The following LCT variants were observed in gnomAD, a reference collection of about 807,000 sequenced individuals.
LCT encodes the protein lactase.
Under a neutral mutation model 173.0 loss-of-function variants are expected in LCT, and 90 were observed. That is an observed-to-expected ratio of 0.52 (90% CI 0.44 to 0.62). The LOEUF (loss-of-function observed/expected upper bound fraction) is 0.62. Among genes scored for constraint, LCT ranks in the 20% least tolerant of loss-of-function variants. The pLI, the probability that LCT is intolerant of heterozygous loss-of-function variation, is 0.00. For missense variants in LCT, 1,864 were observed against 2,431.4 expected, an observed-to-expected ratio of 0.77 and a Z score of 4.91; for synonymous variants, 853 against 957.6, an observed-to-expected ratio of 0.89 and a Z score of 2.02.
In LCT at chr2:135,794,664, G is replaced by C. The variant is rs1236491785; in HGVS notation, c.5088C>G (p.Ala1696=). ...ACCTGTCTGCATCAAAAGAAGAGATGGCAGTGGCATAGTTGAGGTTGTAGG... is the reference window on the plus strand; with the variant it reads ...ACCTGTCTGCATCAAAAGAAGAGATCGCAGTGGCATAGTTGAGGTTGTAGG... The part of the protein sequence containing the change: ...VLAYNLNYAT[A]ISSFDADRGV... Residue 1696 remains alanine (A), a synonymous_variant, in exon 14 of 17, where the codon GCC becomes GCG. Transcript: ENST00000264162. The C allele has an allele frequency of 1.2e-6, 2 of 1,614,038 alleles. No homozygotes were observed. The highest frequency in any genetic ancestry group is 8.5e-7 in the Non-Finnish European group (1 of 1,180,016).
chr2:135,835,242 T>C (rs556261489), intron 1 of LCT, among the ~76,000 whole-genome samples: 15 of 152,002 alleles, frequency 9.9e-5, no homozygotes, highest in Admixed American at 9.2e-4. Context: ...GCTTTCAAGT[T>C]TTTCTTTTGT....
At chr2:135,801,825 T>C (rs994833609) in intron 11 of LCT, among the ~76,000 whole-genome samples, 8 of 151,956 alleles carry the variant, frequency 5.3e-5, no homozygotes, top group African/African-American at 1.9e-4. Flanking sequence ...CCACCTGTCT[T>C]GGCCTCCCAA....
At chr2:135,830,108 T>C (rs531563718) in intron 2 of LCT, among the ~76,000 whole-genome samples, 2 of 152,260 alleles carry the variant, frequency 1.3e-5, no homozygotes, top group East Asian at 3.9e-4. Flanking sequence ...TCCACAGTCA[T>C]CCCTGTGAAT....
intron 5 of LCT, among the ~76,000 whole-genome samples, chr2:135,821,118 T>A (rs987200215): frequency 3.9e-5 from 6 of 152,270 alleles, no homozygotes; most frequent in African/African-American, 1.4e-4. Flanking sequence ...CCTGACCTCG[T>A]GATCCACCCG....
chr2:135,794,881 G>A, intron 13 of LCT, 106 bp from the exon 14 acceptor site: 1 of 1,293,586 alleles, frequency 7.7e-7, no homozygotes, highest in Non-Finnish European at 1.1e-6. Context: ...CCAGGCACTT[G>A]GCAGTGAGTA....
chr2:135,834,509 C>T (rs189788596), intron 1 of LCT, among the ~76,000 whole-genome samples: 4 of 145,932 alleles, frequency 2.7e-5, no homozygotes, highest in Admixed American at 6.7e-5. Flanking sequence ...TGTTTAAGGC[C>T]GGGCGTGGTG....
intron 11 of LCT, among the ~76,000 whole-genome samples, chr2:135,802,751 T>C (rs1486239532): frequency 1.3e-5 from 2 of 152,148 alleles, no homozygotes; most frequent in African/African-American, 4.8e-5. Context: ...GGTTAACGGA[T>C]ACAAAGTTAA....
Position 135,800,798 on chromosome 2 carries a change from T to C in LCT, c.4675A>G (p.Arg1559Gly). 6.2e-7 allele frequency: 1 copy of C among 1,613,388 alleles called. No homozygotes were observed. The highest frequency in any genetic ancestry group is 8.5e-7 in the Non-Finnish European group (1 of 1,179,372). The change falls in exon 12 of 17, where the codon AGG becomes GGG. Residue 1559 changes from arginine to glycine, a missense_variant. Physicochemically the swap from Arg to Gly is moderately radical, Grantham distance 125 (BLOSUM62 -2). Transcript: ENST00000264162. ...ACAATGTAGGGGGCAGTGCCAGGCCTATTGGAGACTCCTGGAAACATACAC... is the reference window on the plus strand; with the variant it reads ...ACAATGTAGGGGGCAGTGCCAGGCCCATTGGAGACTCCTGGAAACATACAC... ...YGTAAPGVSN[R>G]PGTAPYIVGH...
chr2:135,807,026 G>A lies in LCT; in HGVS notation c.4173+102C>T, dbSNP rs1402853139. On this transcript the variant is annotated intron_variant, in intron 9 of 16. Transcript: ENST00000264162. ...CATGCTGCCCCTCCATGGGTCTGCT[G>A]GAATCTCCTGTTCATGCATCTGCCC... 14 of 1,362,504 alleles carry A rather than the reference G, an allele frequency of 1.0e-5. No homozygotes were observed. In the Admixed American group the frequency reaches 2.4e-4, roughly 24 times the overall value. The allele number at this position is 1,362,504 out of a possible 1,614,324, so 84.4% of individuals were successfully genotyped here. A position where few individuals can be genotyped will look rare whatever the true frequency, so the allele number is the denominator to read the frequency against.
chr2:135,826,541 C>T (rs2077890654), intron 3 of LCT, among the ~76,000 whole-genome samples: 1 of 152,044 alleles, frequency 6.6e-6, no homozygotes, highest in African/African-American at 2.4e-5. Flanking sequence ...GCACTCCAGC[C>T]TGGGTGACAG....
At chr2:135,802,132 G>A (rs1559551289) in intron 11 of LCT, among the ~76,000 whole-genome samples, 1 of 152,164 alleles carries the variant, frequency 6.6e-6, no homozygotes, top group Non-Finnish European at 1.5e-5. Flanking sequence ...GTAAACCAAA[G>A]GGGCGAACTA....
At chr2:135,796,941 ATTTTTTTT>A (rs997582132) in intron 13 of LCT, among the ~76,000 whole-genome samples, 6 of 118,762 alleles carry the variant, frequency 5.1e-5, no homozygotes, top group Admixed American at 1.8e-4. Context: ...TGGGAGCTGG[ATTTTTTTT>A]TTTTTTTTTT....
In LCT at chr2:135,794,528, CA is replaced by C. The variant is rs554212355; in HGVS notation, c.5111+112del. ...GGCGAGCATCTTGCAAACCCCGGCA[CA>C]TTCGGCGTTGGAGGCCCTGTTTTGA... On this transcript the variant is annotated intron_variant, in intron 14 of 16. Coordinates refer to ENST00000264162, the MANE Select transcript of LCT (RefSeq NM_002299.4). 3.7e-5 allele frequency: 42 copies of C among 1,136,432 alleles called. 1 individual carries two copies. Among genetic ancestry groups the C allele is most frequent in the South Asian group, 1.1e-4 (9 of 80,332 alleles). The allele number at this position is 1,136,432 out of a possible 1,614,324, so 70.4% of individuals were successfully genotyped here.
chr2:135,793,708 T>C (rs898424402), intron 14 of LCT, among the ~76,000 whole-genome samples: 1 of 152,098 alleles, frequency 6.6e-6, no homozygotes, highest in Admixed American at 6.5e-5. Context: ...AAAATTAACT[T>C]AGAGAAATTT....
In LCT at chr2:135,788,119, ACT is replaced by A. The variant is rs2077506079; in HGVS notation, c.*203_*204del. On this transcript the variant is annotated 3_prime_UTR_variant, in exon 17 of 17. Coordinates refer to ENST00000264162, the MANE Select transcript of LCT (RefSeq NM_002299.4). ...ACTTGCTTCTCAAATGCCCAAATGA[ACT>A]CTGATACTGGAGCAAGATGGAGATA... is the stretch of plus-strand genomic sequence containing the variant. 1.7e-6 allele frequency: 1 copy of A among 605,134 alleles called. No individual in the cohort carries two copies. The allele number at this position is 605,134 out of a possible 1,614,324, so 37.5% of individuals were successfully genotyped here. A position where few individuals can be genotyped will look rare whatever the true frequency, so the allele number is the denominator to read the frequency against.
At chr2:135,794,604 C>T (rs1559548791) in intron 14 of LCT, 37 bp downstream of exon 14, 1 of 1,611,254 alleles carries the variant, frequency 6.2e-7, no homozygotes, top group Non-Finnish European at 8.5e-7. Flanking sequence ...TCTGCCTTTT[C>T]CAGAGATGGC....
In LCT at chr2:135,802,339, G is replaced by A. The variant is rs373653155; in HGVS notation, c.4664-1530C>T. Reference sequence around the variant, plus strand: ...ACAATTTCTTATTCAAAACCCTAAGGGATCCCGCAATCTTACTTTTGGGTA... The same window carrying A: ...ACAATTTCTTATTCAAAACCCTAAGAGATCCCGCAATCTTACTTTTGGGTA... On this transcript the variant is annotated intron_variant, in intron 11 of 16. Transcript: ENST00000264162. 7.9e-5 allele frequency among the ~76,000 whole-genome samples: 12 copies of A among 152,196 alleles called. No homozygotes were observed. The South Asian group carries it at 2.5e-3, about 32-fold the overall frequency.
intron 13 of LCT, 142 bp downstream of exon 13, chr2:135,797,887 C>A: frequency 1.4e-6 from 1 of 691,228 alleles, no homozygotes; most frequent in South Asian, 1.5e-5. Flanking sequence ...ATAGCAGTGC[C>A]AGGTGCTGGG....
rs772413669 is a variant in LCT at position 135,807,359 on chromosome 2, G to A, written c.3942C>T (p.Val1314=). The change falls in exon 9 of 17, where the codon GTC becomes GTT. Residue 1314 remains valine (V), a synonymous_variant. Coordinates refer to ENST00000264162, the MANE Select transcript of LCT (RefSeq NM_002299.4). ...CAAAGTTGTCCATCAGAGACCAGGC[G>A]ACATACCCTCGAAGGTCTATACCAT... The part of the protein sequence containing the change: ...RLDGIDLRGY[V]AWSLMDNFEW... 11 of 1,613,972 alleles carry A rather than the reference G, an allele frequency of 6.8e-6. No individual in the cohort carries two copies. The East Asian group carries it at 8.9e-5, about 13-fold the overall frequency.
Sources: gnomAD v4.1 joint callset for allele counts (sites outside exome capture counted in the v4.1 genomes callset) on GRCh38, gnomAD v4.1.1 for gene constraint, MANE v1.5 for transcripts, NCBI Gene and HGNC (gene_info 2026-07-23, HGNC 2026-07-21) for gene names.